The following HPSE2 variants were observed in gnomAD, a reference collection of about 807,000 sequenced individuals.
HPSE2 encodes inactive heparanase-2.
Under a neutral mutation model 60.5 loss-of-function variants are expected in HPSE2, and 38 were observed. The observed-to-expected ratio is 0.63, with a 90% CI of 0.48 to 0.82. The LOEUF (loss-of-function observed/expected upper bound fraction) is 0.82. Among genes scored for constraint, HPSE2 ranks in the 40% least tolerant of loss-of-function variants. The pLI, the probability that HPSE2 is intolerant of heterozygous loss-of-function variation, is 0.00. For missense variants in HPSE2, 713 were observed against 740.4 expected (o/e 0.96, Z 0.43); for synonymous variants, 295 against 293.2 (o/e 1.01, Z -0.06).
intron 11 of HPSE2, among the ~76,000 whole-genome samples, chr10:98,475,010 C>T (rs550501756): frequency 2.0e-5 from 3 of 152,202 alleles, no homozygotes; most frequent in East Asian, 3.9e-4. Flanking sequence ...ATAGAAAGAT[C>T]AAGGGACATT....
At chr10:98,876,700 A>G (rs1432966040) in intron 3 of HPSE2, among the ~76,000 whole-genome samples, 1 of 151,826 alleles carries the variant, frequency 6.6e-6, no homozygotes, top group Non-Finnish European at 1.5e-5. Context: ...AAAGCATATG[A>G]ATTTTCTTGC....
intron 3 of HPSE2, among the ~76,000 whole-genome samples, chr10:98,879,677 T>A (rs377001457): frequency 1.2e-4 from 19 of 152,158 alleles, no homozygotes; most frequent in African/African-American, 4.6e-4. Flanking sequence ...TAATGAGCTC[T>A]GCAGTGTAAA....
At chr10:99,031,392 T>A (rs1957495712) in intron 3 of HPSE2, among the ~76,000 whole-genome samples, 2 of 152,112 alleles carry the variant, frequency 1.3e-5, no homozygotes, top group African/African-American at 4.8e-5. Flanking sequence ...CTATGCATTA[T>A]CCCCTGAAAC....
intron 6 of HPSE2, among the ~76,000 whole-genome samples, chr10:98,692,201 T>C (rs1948093502): frequency 6.7e-6 from 1 of 150,332 alleles, no homozygotes; most frequent in Non-Finnish European, 1.5e-5. Context: ...ACACGAAGAG[T>C]AGGGAGAACA....
intron 3 of HPSE2, among the ~76,000 whole-genome samples, chr10:99,050,114 C>T (rs576368591): frequency 6.6e-6 from 1 of 152,272 alleles, no homozygotes; most frequent in South Asian, 2.1e-4. Context: ...GCCTGAGCAA[C>T]ATAGTGAGAC....
chr10:98,821,436 TAAAAATAAGGTATTAC>T (rs1461594039), intron 3 of HPSE2, among the ~76,000 whole-genome samples: 7 of 152,242 alleles, frequency 4.6e-5, no homozygotes, highest in Non-Finnish European at 1.0e-4. Flanking sequence ...AAAGGTACAG[TAAAAATAAGGTATTAC>T]AATTATGGGA....
At chr10:99,146,002 T>TA (rs1204170222) in intron 2 of HPSE2, among the ~76,000 whole-genome samples, 1 of 152,216 alleles carries the variant, frequency 6.6e-6, no homozygotes, top group Non-Finnish European at 1.5e-5. Flanking sequence ...AACATGTATA[T>TA]ACCAATTTCT....
At chr10:98,753,343 T>A (rs1589766878) in intron 3 of HPSE2, among the ~76,000 whole-genome samples, 1 of 152,030 alleles carries the variant, frequency 6.6e-6, no homozygotes, top group Admixed American at 6.6e-5. Context: ...ACAGTGGTGG[T>A]TTCTCAAAAA....
chr10:98,997,351 C>A (rs1172387851), intron 3 of HPSE2, among the ~76,000 whole-genome samples: 1 of 151,944 alleles, frequency 6.6e-6, no homozygotes, highest in East Asian at 1.9e-4. Flanking sequence ...CTCCTGACCT[C>A]GTGATCCACC....
chr10:98,754,976 A>C (rs972173262), intron 3 of HPSE2, among the ~76,000 whole-genome samples: 1 of 136,372 alleles, frequency 7.3e-6, no homozygotes, highest in Admixed American at 7.4e-5. Context: ...TCAAGTCTGC[A>C]TAAACACCAG....
chr10:98,464,199 A>T (rs1035877604), intron 11 of HPSE2, among the ~76,000 whole-genome samples: 10 of 152,254 alleles, frequency 6.6e-5, no homozygotes, highest in African/African-American at 2.4e-4. Flanking sequence ...AAGTTCATTT[A>T]AAACTGTTCT....
chr10:99,169,499 C>G (rs1242559149), intron 2 of HPSE2, among the ~76,000 whole-genome samples: 1 of 72,926 alleles, frequency 1.4e-5, no homozygotes, highest in Non-Finnish European at 2.3e-5. Flanking sequence ...AGCAAGACTC[C>G]GTCTCAAAAA....
chr10:99,213,381 G>A (rs1017230331), intron 2 of HPSE2, among the ~76,000 whole-genome samples: 2 of 151,912 alleles, frequency 1.3e-5, no homozygotes, highest in Non-Finnish European at 2.9e-5. Flanking sequence ...AATTATTATA[G>A]AGACCACCTC....
intron 3 of HPSE2, among the ~76,000 whole-genome samples, chr10:99,067,608 C>T (rs182023954): frequency 9.7e-4 from 147 of 152,256 alleles, no homozygotes; most frequent in Non-Finnish European, 1.7e-3. Flanking sequence ...TCCTTTTAAC[C>T]ACAGCTGGAG....
chr10:99,065,781 A>G (rs1842595407), intron 3 of HPSE2, among the ~76,000 whole-genome samples: 1 of 152,140 alleles, frequency 6.6e-6, no homozygotes, highest in South Asian at 2.1e-4. Flanking sequence ...ATTTATTGAT[A>G]CCTCTGAAAT....
At chr10:99,293,910 G>C in the HPSE2 span, among the ~76,000 whole-genome samples, 1 of 152,104 alleles carries the variant, frequency 6.6e-6, no homozygotes, top group South Asian at 2.1e-4. Flanking sequence ...AACTTCCCAA[G>C]TCTATCAGAC....
Position 98,688,465 on chromosome 10 carries a change from C to CTTTTTTT in HPSE2, c.1004+5428_1004+5434dup, listed in dbSNP as rs562095149. On this transcript the variant is annotated intron_variant, in intron 6 of 11. Coordinates refer to ENST00000370552, the MANE Select transcript of HPSE2 (RefSeq NM_021828.5). ...GTCTGAAGAATTTCCTTTAGCATTT[C>CTTTTTTT]TTTTTTTTTTTCTTTTTTTTTTTTT... Among the ~76,000 whole-genome samples, 227 of 103,720 alleles carry CTTTTTTT rather than the reference C, an allele frequency of 2.2e-3. 19 individuals are homozygous for CTTTTTTT. Among genetic ancestry groups the CTTTTTTT allele is most frequent in the Non-Finnish European group, 2.7e-3 (147 of 53,976 alleles). The allele number at this position is 103,720 out of a possible 152,430, so 68.0% of individuals were successfully genotyped here.
the HPSE2 span, among the ~76,000 whole-genome samples, chr10:99,283,356 A>C: frequency 6.6e-6 from 1 of 151,584 alleles, no homozygotes. Flanking sequence ...GAAAATCAAC[A>C]GGCTGGCTGC....
chr10:98,859,365 T>G (rs1192489185), intron 3 of HPSE2, among the ~76,000 whole-genome samples: 1 of 152,188 alleles, frequency 6.6e-6, no homozygotes, highest in Admixed American at 6.5e-5. Flanking sequence ...GATGTTCAAA[T>G]AGCTGATAAA....
Sources: gnomAD v4.1 joint callset for allele counts (sites outside exome capture counted in the v4.1 genomes callset) on GRCh38, gnomAD v4.1.1 for gene constraint, MANE v1.5 for transcripts, NCBI Gene and HGNC (gene_info 2026-07-23, HGNC 2026-07-21) for gene names.